Variants in ZNF385D observed in about 807,000 individuals in gnomAD.
The protein encoded by ZNF385D is zinc finger protein 659.
In ZNF385D, 15 loss-of-function variants were observed where a neutral mutation model predicts 35.8. That is an observed-to-expected ratio of 0.42 (90% confidence interval 0.28 to 0.64). The LOEUF (loss-of-function observed/expected upper bound fraction) is 0.64. Ranked by LOEUF, ZNF385D falls within the 30% of genes least tolerant of loss-of-function variation. The pLI is 0.23. For missense variants in ZNF385D, 474 were observed against 494.6 expected, an observed-to-expected ratio of 0.96 and a Z score of 0.39; for synonymous variants, 212 against 186.8, an observed-to-expected ratio of 1.13 and a Z score of -1.10.
At chr3:22,268,806 C>T (rs188742446) in intron 2 of ZNF385D, among the ~76,000 whole-genome samples, 2 of 151,920 alleles carry the variant, frequency 1.3e-5, no homozygotes, top group Admixed American at 6.6e-5. Context: ...AGAACCCATG[C>T]ATTTTTACTT....
At chr3:21,874,671 G>A (rs915683456) in intron 3 of ZNF385D, among the ~76,000 whole-genome samples, 1 of 152,020 alleles carries the variant, frequency 6.6e-6, no homozygotes, top group African/African-American at 2.4e-5. Flanking sequence ...CAGGAAATGT[G>A]AGGTCTCTAG....
At chr3:21,736,372 A>T (rs2069242761) in intron 1 of ZNF385D, among the ~76,000 whole-genome samples, 1 of 152,194 alleles carries the variant, frequency 6.6e-6, no homozygotes, top group Non-Finnish European at 1.5e-5. Flanking sequence ...TTATTTTTTT[A>T]AAAAGTATGG....
intron 2 of ZNF385D, among the ~76,000 whole-genome samples, chr3:21,607,947 A>T (rs60243772): frequency 6.6e-6 from 1 of 150,934 alleles, no homozygotes; most frequent in Non-Finnish European, 1.5e-5. Context: ...ATATAATCAA[A>T]TCTGAATTTT....
At chr3:22,137,911 C>G (rs1312420868) in intron 3 of ZNF385D, among the ~76,000 whole-genome samples, 1 of 152,014 alleles carries the variant, frequency 6.6e-6, no homozygotes, top group Non-Finnish European at 1.5e-5. Flanking sequence ...GATTGTATAT[C>G]TAGAAAACCC....
intron 3 of ZNF385D, among the ~76,000 whole-genome samples, chr3:21,783,130 T>C (rs566645518): frequency 2.7e-4 from 41 of 152,170 alleles, no homozygotes; most frequent in Non-Finnish European, 5.0e-4. Context: ...TAATACAATA[T>C]TTCTTTGATA....
At chr3:21,628,468 G>C (rs1162529074) in intron 2 of ZNF385D, among the ~76,000 whole-genome samples, 1 of 151,574 alleles carries the variant, frequency 6.6e-6, no homozygotes, top group Non-Finnish European at 1.5e-5. Context: ...TACTCTTGGA[G>C]AAAAAGGATT....
At chr3:21,999,987 A>T (rs1695733673) in intron 3 of ZNF385D, among the ~76,000 whole-genome samples, 2 of 152,096 alleles carry the variant, frequency 1.3e-5, no homozygotes, top group Non-Finnish European at 2.9e-5. Flanking sequence ...AAGCTCAAAA[A>T]TCCCCAAATA....
intron 2 of ZNF385D, among the ~76,000 whole-genome samples, chr3:22,322,199 C>A (rs1332167355): frequency 6.6e-6 from 1 of 152,032 alleles, no homozygotes; most frequent in African/African-American, 2.4e-5. Flanking sequence ...CATTATTTTA[C>A]TCTCTTCTTC....
intron 3 of ZNF385D, among the ~76,000 whole-genome samples, chr3:22,094,410 A>ATATATATATAT (rs1386186822): frequency 3.6e-4 from 30 of 83,358 alleles, no homozygotes; most frequent in Non-Finnish European, 4.5e-4. Flanking sequence ...ATATATATAT[A>ATATATATATAT]AAGGCATTTG....
At chr3:21,563,485 A>T (rs2063028108) in intron 3 of ZNF385D, among the ~76,000 whole-genome samples, 1 of 152,204 alleles carries the variant, frequency 6.6e-6, no homozygotes, top group Admixed American at 6.5e-5. Context: ...TCTTAAGACG[A>T]AAGCAAAATA....
intron 3 of ZNF385D, among the ~76,000 whole-genome samples, chr3:22,072,777 G>C (rs1200442062): frequency 6.6e-6 from 1 of 151,724 alleles, no homozygotes; most frequent in Non-Finnish European, 1.5e-5. Context: ...GAGAAGGAAG[G>C]AAAAAGGGAA....
At chr3:21,635,143 C>A (rs894264143) in intron 2 of ZNF385D, among the ~76,000 whole-genome samples, 1 of 152,024 alleles carries the variant, frequency 6.6e-6, no homozygotes, top group African/African-American at 2.4e-5. Context: ...CAATATTAAG[C>A]ATTTACTTTG....
At chr3:22,340,519 G>A (rs73136330) in intron 2 of ZNF385D, among the ~76,000 whole-genome samples, 7,099 of 152,114 alleles carry the variant, frequency 0.047, 517 homozygotes, top group African/African-American at 0.16. Context: ...TGTGGTGCAC[G>A]CCTGTAATCC....
intron 2 of ZNF385D, among the ~76,000 whole-genome samples, chr3:22,323,449 C>A (rs1021512771): frequency 2.6e-5 from 4 of 152,116 alleles, no homozygotes; most frequent in African/African-American, 9.7e-5. Flanking sequence ...TCCCTATACA[C>A]ACACATGTAA....
At chr3:21,809,792 G>T (rs2072829495) in intron 3 of ZNF385D, among the ~76,000 whole-genome samples, 1 of 151,498 alleles carries the variant, frequency 6.6e-6, no homozygotes, top group Admixed American at 6.6e-5. Flanking sequence ...TAAAAAATGT[G>T]CAAGAAGGCA....
intron 3 of ZNF385D, among the ~76,000 whole-genome samples, chr3:21,552,597 G>T (rs917260494): frequency 3.3e-5 from 5 of 152,290 alleles, no homozygotes; most frequent in East Asian, 3.9e-4. Context: ...AATAGTGAAT[G>T]ATATTCCAGG....
rs577207379 is a variant in ZNF385D, at chr3:21,452,308, GC to G, written c.440-15106del. Among the ~76,000 whole-genome samples the G allele has an allele frequency of 7.2e-5, 11 of 152,044 alleles. No homozygotes were observed. The East Asian group carries it at 1.2e-3, about 16-fold the overall frequency. On this transcript the variant is annotated intron_variant, in intron 4 of 7. Coordinates refer to ENST00000281523, the MANE Select transcript of ZNF385D (RefSeq NM_024697.3). ...CTCCAAATACAGTTCTCTCAATTTT[GC>G]CCCATGTAAAAACTAATGTTCAACT...
chr3:22,012,978 A>C (rs1193931359), intron 3 of ZNF385D, among the ~76,000 whole-genome samples: 4 of 152,148 alleles, frequency 2.6e-5, no homozygotes, highest in Non-Finnish European at 2.9e-5. Context: ...TGATAGAAAA[A>C]AATGTAAAAT....
At chr3:21,562,087 C>G (rs1415449210) in intron 3 of ZNF385D, 1 of 152,008 alleles carries the variant, frequency 6.6e-6, no homozygotes, top group African/African-American at 2.4e-5. Context: ...TACGACATGC[C>G]ACACAGACCT....
Sources: gnomAD v4.1 joint callset for allele counts (sites outside exome capture counted in the v4.1 genomes callset) on GRCh38, gnomAD v4.1.1 for gene constraint, MANE v1.5 for transcripts, NCBI Gene and HGNC (gene_info 2026-07-23, HGNC 2026-07-21) for gene names.